The following MIA2 variants were observed in gnomAD, a reference collection of about 807,000 sequenced individuals.
MIA2 encodes MIA SH3 domain ER export factor 2, also known as melanoma inhibitory activity protein 2.
Under a neutral mutation model 167.8 loss-of-function variants are expected in MIA2, and 127 were observed. The ratio of observed to expected loss-of-function variants is 0.76; its 90% CI spans 0.66 to 0.88. The LOEUF (loss-of-function observed/expected upper bound fraction) is 0.88, where lower values mean the gene tolerates loss of function less well. MIA2 is among the 40% of genes least tolerant of loss of function. The pLI, the probability that MIA2 is intolerant of heterozygous loss-of-function variation, is 0.00. For missense variants in MIA2, 1,690 were observed against 1,624.7 expected (o/e 1.04, Z -0.69); for synonymous variants, 552 against 541.9 (o/e 1.02, Z -0.26).
chr14:39,298,427 ATATATATATATATAT>A lies in MIA2; in HGVS notation c.2497-1436_2497-1422del, dbSNP rs1449698252. Among the ~76,000 whole-genome samples the A allele has an allele frequency of 8.9e-5, 7 of 78,502 alleles. 1 individual carries two copies. The highest frequency in any genetic ancestry group is 1.4e-4 in the Non-Finnish European group (5 of 34,956). 51.5% of individuals were successfully genotyped at this position (78,502 alleles called of 152,430 possible). A position where few individuals can be genotyped will look rare whatever the true frequency, so the allele number is the denominator to read the frequency against. ...CTGATTCTGTTTTATATATATATATATATATATATATATATAAAGATTAGTTTTTCATGTGTTCGG... is the reference window on the plus strand; with the variant it reads ...CTGATTCTGTTTTATATATATATATAAAAGATTAGTTTTTCATGTGTTCGG... On this transcript the variant is annotated intron_variant, in intron 13 of 28. Transcript: ENST00000640607.
At chr14:39,325,863 G>A (rs1175721442) in intron 24 of MIA2, among the ~76,000 whole-genome samples, 1 of 151,782 alleles carries the variant, frequency 6.6e-6, no homozygotes, top group Non-Finnish European at 1.5e-5. Flanking sequence ...ACAGGCACCT[G>A]CCACCATGCC....
intron 25 of MIA2, among the ~76,000 whole-genome samples, chr14:39,341,653 G>A (rs909766862): frequency 1.3e-5 from 2 of 152,080 alleles, no homozygotes; most frequent in Admixed American, 6.6e-5. Flanking sequence ...GGAGAGGACT[G>A]TCAGATCTGA....
At chr14:39,385,908 A>G (rs2075266105) in intron 23 of MIA2, 3 of 872,860 alleles carry the variant, frequency 3.4e-6, no homozygotes, top group Non-Finnish European at 5.8e-6. Flanking sequence ...TATCTCCTCT[A>G]CCCCATCTTC....
intron 23 of MIA2, among the ~76,000 whole-genome samples, chr14:39,359,632 T>C (rs1379206404): frequency 6.6e-6 from 1 of 152,174 alleles, no homozygotes; most frequent in Non-Finnish European, 1.5e-5. Context: ...ATCACCTGTC[T>C]TCTGCGTCGC....
Position 39,321,051 on chromosome 14 carries a change from G to T in MIA2, c.3491G>T (p.Gly1164Val). The change falls in exon 24 of 29, where the codon GGA becomes GTA. Residue 1164 changes from glycine (G) to valine (V), a missense_variant. Gly to Val is a moderately radical substitution (Grantham distance 109). Transcript: ENST00000640607. The stretch of plus-strand genomic sequence containing the variant: ...TCACCTTTGCTTCCAGGGGGAGGAG[G>T]AAGAGGTATATTGTTTAAACATCTT... Reference protein sequence around the residue: ...RLSPLLPGGGGRGSRGPGNPL... With the variant: ...RLSPLLPGGGVRGSRGPGNPL... 1 of 1,612,318 alleles carries T rather than the reference G, an allele frequency of 6.2e-7. No homozygotes were observed. Among genetic ancestry groups the T allele is most frequent in the East Asian group, 2.2e-5 (1 of 44,842 alleles).
chr14:39,296,939 C>T (rs2061509542), intron 13 of MIA2, among the ~76,000 whole-genome samples: 1 of 149,254 alleles, frequency 6.7e-6, no homozygotes, highest in Non-Finnish European at 1.5e-5. Context: ...CCACGCCCGG[C>T]TAATTTTTTG....
intron 10 of MIA2, among the ~76,000 whole-genome samples, chr14:39,292,428 G>A (rs749268079): frequency 5.3e-5 from 8 of 151,968 alleles, no homozygotes; most frequent in Non-Finnish European, 1.0e-4. Context: ...TTCAGTAATA[G>A]TAATCATAAT....
At chr14:39,326,336 T>G (rs2067544233) in intron 24 of MIA2, among the ~76,000 whole-genome samples, 1 of 152,192 alleles carries the variant, frequency 6.6e-6, no homozygotes, top group South Asian at 2.1e-4. Context: ...GTATTTATCT[T>G]TTTTATCTTC....
At chr14:39,290,488 T>C (rs998388206) in intron 9 of MIA2, among the ~76,000 whole-genome samples, 12 of 152,230 alleles carry the variant, frequency 7.9e-5, no homozygotes, top group African/African-American at 2.7e-4. Flanking sequence ...TTTTTGATGG[T>C]TGTTCCCTAC....
chr14:39,342,281 G>A (rs1035331302), intron 25 of MIA2, among the ~76,000 whole-genome samples: 6 of 150,960 alleles, frequency 4.0e-5, no homozygotes, highest in Middle Eastern at 3.4e-3. Flanking sequence ...TTGTCCTTGC[G>A]ATAGTTTGCT....
chr14:39,319,067 TG>T (rs947130100), intron 22 of MIA2, 141 bp from the exon 23 acceptor site: 2 of 442,016 alleles, frequency 4.5e-6, no homozygotes, highest in Non-Finnish European at 8.2e-6. Context: ...AAAGGTGTTT[TG>T]GTCAGAATAA....
At chr14:39,384,671 C>T (rs907846101) in intron 23 of MIA2, among the ~76,000 whole-genome samples, 13 of 152,118 alleles carry the variant, frequency 8.5e-5, no homozygotes, top group Admixed American at 2.6e-4. Flanking sequence ...ATCCTCACTC[C>T]GGCACACTCA....
chr14:39,384,097 C>G (rs772328052), intron 23 of MIA2, among the ~76,000 whole-genome samples: 1 of 152,178 alleles, frequency 6.6e-6, no homozygotes, highest in African/African-American at 2.4e-5. Context: ...ACTTTGATAG[C>G]TAGAGAGAAG....
intron 9 of MIA2, among the ~76,000 whole-genome samples, chr14:39,281,787 A>G (rs1594978975): frequency 6.6e-6 from 1 of 151,630 alleles, no homozygotes; most frequent in South Asian, 2.1e-4. Flanking sequence ...ACGCCTGGCT[A>G]ATTTTTTGTA....
intron 24 of MIA2, 121 bp from the exon 25 acceptor site, chr14:39,326,743 C>T: frequency 2.5e-6 from 2 of 786,410 alleles, no homozygotes; most frequent in Middle Eastern, 3.0e-4. Flanking sequence ...ACTTTCTACA[C>T]TGTTATTTTT....
Position 39,364,435 on chromosome 14 carries a change from G to T in MIA2, c.2248+15458G>T, listed in dbSNP as rs1002198758. 8.1e-5 allele frequency among the ~76,000 whole-genome samples: 12 copies of T among 147,282 alleles called. No individual in the cohort carries two copies. In the South Asian group the frequency reaches 1.3e-3, roughly 16 times the overall value. On this transcript the variant is annotated intron_variant, in intron 23 of 23. Transcript: ENST00000341502. ...CTTTCTAGTTTATTGTGGTTTGTTG[G>T]TTTTTTTTTTGTTTTGTTTTTTTTT...
At chr14:39,292,400 A>AT (rs1328245509) in intron 10 of MIA2, among the ~76,000 whole-genome samples, 1 of 152,162 alleles carries the variant, frequency 6.6e-6, no homozygotes, top group African/African-American at 2.4e-5. Flanking sequence ...AATTTCAGTA[A>AT]TTTTTTAGCA....
intron 9 of MIA2, among the ~76,000 whole-genome samples, chr14:39,284,070 A>G (rs1202655280): frequency 1.3e-5 from 2 of 151,938 alleles, no homozygotes; most frequent in African/African-American, 4.8e-5. Context: ...AGTCCTGTTC[A>G]CTTACTTTTT....
intron 6 of MIA2, chr14:39,266,009 C>T (rs1405273437): frequency 4.1e-6 from 4 of 985,312 alleles, no homozygotes; most frequent in Non-Finnish European, 4.8e-6. Context: ...AGCTAGGCCG[C>T]ATTTTGGTCC....
Sources: allele counts gnomAD v4.1 joint callset (sites outside exome capture counted in the v4.1 genomes callset), GRCh38; gene constraint gnomAD v4.1.1; transcripts MANE v1.5; gene names NCBI Gene and HGNC (gene_info 2026-07-23, HGNC 2026-07-21).